Variants in TRIM24 observed in about 807,000 individuals in gnomAD.
TRIM24 encodes tripartite motif containing 24, also known as transcription intermediary factor 1-alpha.
TRIM24 carries 29 observed loss-of-function variants against 123.9 expected under a neutral mutation model. The ratio of observed to expected loss-of-function variants is 0.23; its 90% CI spans 0.17 to 0.32. The LOEUF (loss-of-function observed/expected upper bound fraction) is 0.32, where lower values mean the gene tolerates loss of function less well. Among genes scored for constraint, TRIM24 ranks in the 10% least tolerant of loss-of-function variants. The pLI is 1.00. For synonymous variants in TRIM24, 456 were observed against 461.1 expected (o/e 0.99, Z 0.14); for missense variants, 932 against 1,295.3 (o/e 0.72, Z 4.31).
chr7:138,470,586 G>C (rs1334236201), intron 1 of TRIM24, among the ~76,000 whole-genome samples: 1 of 152,200 alleles, frequency 6.6e-6, no homozygotes, highest in African/African-American at 2.4e-5. Flanking sequence ...TATGGAGGCT[G>C]CTCACAAAAG....
At chr7:138,539,760 T>C (rs1003392175) in intron 7 of TRIM24, among the ~76,000 whole-genome samples, 5 of 151,940 alleles carry the variant, frequency 3.3e-5, no homozygotes, top group African/African-American at 9.7e-5. Context: ...AGTAGTATTA[T>C]GTTTTTTAAA....
intron 1 of TRIM24, chr7:138,490,714 T>G (rs1795762360): frequency 2.2e-6 from 1 of 464,646 alleles, no homozygotes; most frequent in African/African-American, 2.0e-5. Context: ...CTGGGCTTCT[T>G]CAGCATTTTT....
chr7:138,515,151 C>T, intron 2 of TRIM24, 61 bp from the exon 3 acceptor site: 9 of 1,553,924 alleles, frequency 5.8e-6, no homozygotes, highest in Non-Finnish European at 7.9e-6. Context: ...GTACGCATAG[C>T]TCGAGATAGG....
intron 10 of TRIM24, among the ~76,000 whole-genome samples, chr7:138,568,389 T>A (rs957812331): frequency 7.5e-6 from 1 of 132,900 alleles, no homozygotes; most frequent in Non-Finnish European, 1.6e-5. Flanking sequence ...CTTTTTTTTT[T>A]TTTTTTTTTT....
intron 1 of TRIM24, among the ~76,000 whole-genome samples, chr7:138,482,606 G>A (rs549594656): frequency 3.3e-5 from 5 of 152,228 alleles, no homozygotes; most frequent in South Asian, 2.1e-4. Context: ...TTACCGACTC[G>A]TTAAGTATAA....
chr7:138,572,615 T>C (rs1179388018), intron 11 of TRIM24, among the ~76,000 whole-genome samples: 1 of 152,184 alleles, frequency 6.6e-6, no homozygotes, highest in Non-Finnish European at 1.5e-5. Context: ...ACTAGTACCA[T>C]TCTAGGTGCA....
intron 3 of TRIM24, among the ~76,000 whole-genome samples, chr7:138,516,973 C>T (rs1185793184): frequency 6.6e-6 from 1 of 151,878 alleles, no homozygotes; most frequent in East Asian, 1.9e-4. Flanking sequence ...GTGATAGTTA[C>T]ATGCCTGTAA....
At chr7:138,477,207 C>T (rs1244550388) in intron 1 of TRIM24, among the ~76,000 whole-genome samples, 1 of 151,912 alleles carries the variant, frequency 6.6e-6, no homozygotes, top group Non-Finnish European at 1.5e-5. Context: ...TGTAATCCCA[C>T]ACTTTGGGAG....
intron 2 of TRIM24, among the ~76,000 whole-genome samples, chr7:138,504,800 G>A (rs1796116310): frequency 6.9e-6 from 1 of 145,380 alleles, no homozygotes; most frequent in Non-Finnish European, 1.5e-5. Flanking sequence ...TTGCGTTGTT[G>A]CCCAGGCTGG....
Position 138,575,820 on chromosome 7 carries a change from C to CTTTT in TRIM24, c.2015-552_2015-549dup, listed in dbSNP as rs550006866. Reference sequence around the variant, plus strand: ...TTTAGGGCAGTAGTCCAGAATCCCTCTTTTGTTTATTGCCTTAAGTCTGAA... The same window carrying CTTTT: ...TTTAGGGCAGTAGTCCAGAATCCCTCTTTTTTTTGTTTATTGCCTTAAGTCTGAA... On this transcript the variant is annotated intron_variant, in intron 12 of 18. Coordinates refer to ENST00000343526, the MANE Select transcript of TRIM24 (RefSeq NM_015905.3). 4.6e-3 allele frequency among the ~76,000 whole-genome samples: 697 copies of CTTTT among 152,176 alleles called. 3 individuals are homozygous for CTTTT. The highest frequency in any genetic ancestry group is 7.3e-3 in the Non-Finnish European group (499 of 67,994).
chr7:138,545,993 G>A (rs1298825152), intron 7 of TRIM24, among the ~76,000 whole-genome samples: 1 of 152,148 alleles, frequency 6.6e-6, no homozygotes, highest in East Asian at 1.9e-4. Context: ...AGAACAATGG[G>A]TATACAGAAG....
At chr7:138,537,379 GTTTTTTTTTTTTTT>G (rs71177994) in intron 6 of TRIM24, among the ~76,000 whole-genome samples, 3,315 of 56,754 alleles carry the variant, frequency 0.058, 90 homozygotes, top group Middle Eastern at 0.17. Context: ...ACCCCTGTTT[GTTTTTTTTTTTTTT>G]TTTTTTTTTT....
Position 138,538,822 on chromosome 7 carries a change from T to G in TRIM24, c.1143+19T>G. On this transcript the variant is annotated intron_variant, in intron 7 of 18. Transcript: ENST00000343526. The stretch of plus-strand genomic sequence containing the variant: ...ACGACTGGTAAGATAAAGTATGCTA[T>G]TTAATATACTGTAAAAATGCACAGT... 6.2e-7 allele frequency: 1 copy of G among 1,603,528 alleles called. No homozygotes were observed.
At chr7:138,467,479 C>T (rs1269706937) in intron 1 of TRIM24, among the ~76,000 whole-genome samples, 1 of 152,080 alleles carries the variant, frequency 6.6e-6, no homozygotes, top group East Asian at 1.9e-4. Context: ...GTAGCTGGGA[C>T]TATAGGCATG....
At chr7:138,517,673 A>G (rs905011519) in intron 3 of TRIM24, among the ~76,000 whole-genome samples, 11 of 152,146 alleles carry the variant, frequency 7.2e-5, no homozygotes, top group Non-Finnish European at 1.5e-4. Flanking sequence ...CACGCCTGGT[A>G]TAGGCCAGCA....
intron 11 of TRIM24, 120 bp from the exon 12 acceptor site, chr7:138,573,387 G>A (rs1433073232): frequency 1.1e-6 from 1 of 909,100 alleles, no homozygotes; most frequent in African/African-American, 1.7e-5. Flanking sequence ...TCTCAAATGT[G>A]GTATCTATGT....
intron 5 of TRIM24, among the ~76,000 whole-genome samples, chr7:138,527,749 T>C (rs1248878052): frequency 6.6e-6 from 1 of 152,182 alleles, no homozygotes; most frequent in Non-Finnish European, 1.5e-5. Context: ...TCTGGTGTGG[T>C]ACCGTATGTT....
intron 7 of TRIM24, among the ~76,000 whole-genome samples, chr7:138,550,090 T>C (rs1056017131): frequency 2.0e-5 from 3 of 152,050 alleles, no homozygotes; most frequent in Non-Finnish European, 2.9e-5. Context: ...AGTAGGGAAG[T>C]GAATGGACTA....
intron 1 of TRIM24, among the ~76,000 whole-genome samples, chr7:138,475,617 TCTC>T (rs1288570613): frequency 6.6e-6 from 1 of 152,100 alleles, no homozygotes; most frequent in Non-Finnish European, 1.5e-5. Flanking sequence ...TTCAGGCAAT[TCTC>T]CTGCCTCAGC....
Sources: allele counts gnomAD v4.1 joint callset (sites outside exome capture counted in the v4.1 genomes callset), GRCh38; gene constraint gnomAD v4.1.1; transcripts MANE v1.5; gene names NCBI Gene and HGNC (gene_info 2026-07-23, HGNC 2026-07-21).